The following NOL10 variants were observed in gnomAD, a reference collection of about 807,000 sequenced individuals.
The protein encoded by NOL10 is H_NH0074G24.1.
Under a neutral mutation model 103.5 loss-of-function variants are expected in NOL10, and 58 were observed. The ratio of observed to expected loss-of-function variants is 0.56; its 90% CI spans 0.45 to 0.70. The LOEUF is 0.70. NOL10 is among the 30% of genes least tolerant of loss of function. The probability of loss-of-function intolerance (pLI) is 0.00; values close to 1 mark genes in which losing one functional copy is unlikely to be tolerated. For missense variants in NOL10, 763 were observed against 807.3 expected, an observed-to-expected ratio of 0.95 and a Z score of 0.67; for synonymous variants, 287 against 282.5, an observed-to-expected ratio of 1.02 and a Z score of -0.16.
chr2:10,620,113 T>C (rs1677050246), intron 13 of NOL10, among the ~76,000 whole-genome samples: 1 of 152,236 alleles, frequency 6.6e-6, no homozygotes, highest in African/African-American at 2.4e-5. Flanking sequence ...TTTTGTCATT[T>C]TATTCCTGCC....
chr2:10,667,872 A>T (rs962598042), intron 7 of NOL10, among the ~76,000 whole-genome samples: 3 of 151,476 alleles, frequency 2.0e-5, no homozygotes, highest in East Asian at 1.9e-4. Flanking sequence ...AATGTGAAAT[A>T]AAAAAAAATT....
Position 10,686,761 on chromosome 2 carries a change from GC to G in NOL10, c.67-2150del, listed in dbSNP as rs200822176. Among the ~76,000 whole-genome samples, 981 of 152,152 alleles carry G rather than the reference GC, an allele frequency of 6.4e-3. 12 individuals carry two copies. The highest frequency in any genetic ancestry group is 0.023 in the African/African-American group (958 of 41,482). On this transcript the variant is annotated intron_variant, in intron 1 of 20. Coordinates refer to ENST00000381685, the MANE Select transcript of NOL10 (RefSeq NM_024894.4). ...GAGAGCAAAGAAACAACAACAAAAA[GC>G]CTCCAGTGTTTTTGGCATCAACAGC...
At chr2:10,577,541 C>T (rs772847865) in intron 20 of NOL10, 95 bp downstream of exon 20, 1 of 858,662 alleles carries the variant, frequency 1.2e-6, no homozygotes, top group Non-Finnish European at 1.8e-6. Context: ...AGGGGAAAAG[C>T]ATTGAGAAGG....
chr2:10,601,579 C>T (rs568988400), intron 16 of NOL10, among the ~76,000 whole-genome samples: 10 of 152,176 alleles, frequency 6.6e-5, no homozygotes, highest in Admixed American at 3.3e-4. Flanking sequence ...TTTGGGAAGC[C>T]GATGGGAGGC....
intron 17 of NOL10, among the ~76,000 whole-genome samples, chr2:10,593,129 G>GTTTTTTT (rs113342576): frequency 1.3e-5 from 2 of 148,698 alleles, no homozygotes; most frequent in African/African-American, 2.5e-5. Flanking sequence ...AAACAAATTA[G>GTTTTTTT]TTTTTTTTTT....
chr2:10,679,608 CTT>C (rs1025892031), intron 3 of NOL10, among the ~76,000 whole-genome samples: 3 of 138,096 alleles, frequency 2.2e-5, no homozygotes, highest in East Asian at 2.1e-4. Flanking sequence ...TCCTTCCTCT[CTT>C]TCTCTCTCTT....
chr2:10,603,388 CTTATGAACTAAGACAAAG>C (rs995388529), intron 14 of NOL10, among the ~76,000 whole-genome samples: 21 of 152,244 alleles, frequency 1.4e-4, no homozygotes, highest in Admixed American at 1.3e-4. Context: ...TGAGAAAGTC[CTTATGAACTAAGACAAAG>C]AGGGTTCCCT....
At chr2:10,631,801 G>A (rs1173201131) in intron 13 of NOL10, among the ~76,000 whole-genome samples, 1 of 151,076 alleles carries the variant, frequency 6.6e-6, no homozygotes, top group African/African-American at 2.4e-5. Flanking sequence ...TGCAACCTCT[G>A]CCTCCCAGGT....
chr2:10,687,028 T>C (rs905525876), intron 1 of NOL10, among the ~76,000 whole-genome samples: 2 of 152,166 alleles, frequency 1.3e-5, no homozygotes, highest in Non-Finnish European at 2.9e-5. Flanking sequence ...GCCAGGAGAC[T>C]GCCTAGGATC....
At chr2:10,584,615 CAG>C (rs1469607267) in intron 19 of NOL10, among the ~76,000 whole-genome samples, 2 of 152,304 alleles carry the variant, frequency 1.3e-5, no homozygotes, top group East Asian at 3.9e-4. Context: ...AATAAACATA[CAG>C]AGTCACTTTA....
At chr2:10,650,081 A>C (rs965710142) in intron 12 of NOL10, among the ~76,000 whole-genome samples, 4 of 152,252 alleles carry the variant, frequency 2.6e-5, no homozygotes, top group Non-Finnish European at 5.9e-5. Flanking sequence ...CAAATTGTCA[A>C]ACATTTCTTC....
intron 13 of NOL10, among the ~76,000 whole-genome samples, chr2:10,632,753 C>T (rs1307844294): frequency 3.3e-5 from 5 of 151,718 alleles, no homozygotes; most frequent in African/African-American, 1.2e-4. Context: ...AAAATTTTAC[C>T]TTTTGATTTA....
At chr2:10,593,721 C>T (rs1675517379) in intron 17 of NOL10, among the ~76,000 whole-genome samples, 1 of 152,192 alleles carries the variant, frequency 6.6e-6, no homozygotes, top group Non-Finnish European at 1.5e-5. Context: ...AGTTGCTTGG[C>T]TGAGGCTGGC....
intron 1 of NOL10, 123 bp downstream of exon 1, chr2:10,689,673 C>G: frequency 1.0e-6 from 1 of 988,816 alleles, no homozygotes; most frequent in Non-Finnish European, 1.5e-6. Context: ...CTGGGCCTCC[C>G]CGAGTCGGGG....
intron 12 of NOL10, among the ~76,000 whole-genome samples, chr2:10,650,681 AG>A (rs1679402264): frequency 6.6e-6 from 1 of 152,142 alleles, no homozygotes; most frequent in Admixed American, 6.6e-5. Flanking sequence ...GCTCGAGCCC[AG>A]GGGTTCAAGG....
intron 13 of NOL10, among the ~76,000 whole-genome samples, chr2:10,631,593 A>G (rs944459258): frequency 2.6e-5 from 4 of 152,216 alleles, no homozygotes; most frequent in African/African-American, 9.6e-5. Context: ...CCCAAACACA[A>G]CGATTGCATC....
Position 10,589,080 on chromosome 2 carries a change from T to G in NOL10, c.1807A>C (p.Ser603Arg), listed in dbSNP as rs1160418665. 6.2e-7 allele frequency: 1 copy of G among 1,614,042 alleles called. No homozygotes were observed. Among genetic ancestry groups the G allele is most frequent in the Admixed American group, 1.7e-5 (1 of 60,022 alleles). Residue 603 changes from serine to arginine, a missense_variant, in exon 19 of 21, where the codon AGC becomes CGC. Physicochemically the swap from Ser to Arg is moderately radical, Grantham distance 110. Transcript: ENST00000381685. The stretch of plus-strand genomic sequence containing the variant: ...TGCTTTGTGGCAGAATCTTTGAAGC[T>G]TCTAAATTCTTCTCCTGCTTTGATC... ...YEIKAGEEFR[S>R]FKDSATKQKL...
chr2:10,581,434 C>A (rs942583336), intron 19 of NOL10, among the ~76,000 whole-genome samples: 1 of 152,198 alleles, frequency 6.6e-6, no homozygotes, highest in Admixed American at 6.5e-5. Context: ...TCCCAGCACA[C>A]CCACCTTATG....
intron 13 of NOL10, among the ~76,000 whole-genome samples, chr2:10,614,739 A>G (rs1676747173): frequency 6.6e-6 from 1 of 152,226 alleles, no homozygotes; most frequent in Non-Finnish European, 1.5e-5. Context: ...ATGGAGTTGT[A>G]CTATAATGTA....
Sources: allele counts gnomAD v4.1 joint callset (sites outside exome capture counted in the v4.1 genomes callset), GRCh38; gene constraint gnomAD v4.1.1; transcripts MANE v1.5; gene names NCBI Gene and HGNC (gene_info 2026-07-23, HGNC 2026-07-21).